The following EFCAB10 variants were observed in gnomAD, a reference collection of about 807,000 sequenced individuals.
EFCAB10 encodes EF-hand calcium binding domain 10, also known as EF-hand calcium-binding domain-containing protein 10.
EFCAB10 carries 7 observed loss-of-function variants against 7.7 expected under a neutral mutation model. That is an observed-to-expected ratio of 0.91 (90% CI 0.52 to 1.72). The LOEUF (loss-of-function observed/expected upper bound fraction) is 1.72, where lower values mean the gene tolerates loss of function less well. EFCAB10 is among the 40% of genes most tolerant of loss of function. EFCAB10 has a pLI of 0.00. For synonymous variants in EFCAB10, 52 were observed against 21.0 expected, an observed-to-expected ratio of 2.47 and a Z score of -4.03; for missense variants, 112 against 61.5, an observed-to-expected ratio of 1.82 and a Z score of -2.74.
chr7:105,581,416 C>T lies in EFCAB10; in HGVS notation c.48G>A (p.Lys16=), dbSNP rs1392528214. 1.4e-6 allele frequency: 1 copy of T among 703,114 alleles called. No individual in the cohort carries two copies. Among genetic ancestry groups the T allele is most frequent in the Admixed American group, 2.0e-5 (1 of 50,006 alleles). 43.6% of individuals were successfully genotyped at this position (703,114 alleles called of 1,614,324 possible). ...AGCTAACCACCTCCTTGATCTGATG[C>T]TTTTCCAAATACTCCGCGGCTTGGA... is the stretch of plus-strand genomic sequence containing the variant. ...RELQAAEYLE[K]HQIKEVVSYL... Residue 16 remains lysine, a synonymous_variant, in exon 1 of 5, where the codon AAG becomes AAA. Transcript: ENST00000480514.
At chr7:105,567,606 A>G in intron 3 of EFCAB10, 116 bp from the exon 4 acceptor site, 1 of 567,064 alleles carries the variant, frequency 1.8e-6, no homozygotes, top group Non-Finnish European at 3.1e-6. Context: ...CCAACTTTCA[A>G]TTTCCTGTGC....
At chr7:105,570,109 G>C (rs931154456) in intron 1 of EFCAB10, among the ~76,000 whole-genome samples, 1 of 147,758 alleles carries the variant, frequency 6.8e-6, no homozygotes, top group African/African-American at 2.5e-5. Context: ...AGCTACTCGG[G>C]AGGCTGAGGC....
At chr7:105,579,933 A>G (rs1377498218) in intron 1 of EFCAB10, among the ~76,000 whole-genome samples, 1 of 152,208 alleles carries the variant, frequency 6.6e-6, no homozygotes, top group African/African-American at 2.4e-5. Flanking sequence ...CAAATATTTT[A>G]TATAACGAAT....
chr7:105,572,066 G>T (rs550839056), intron 1 of EFCAB10: 1 of 151,954 alleles, frequency 6.6e-6, no homozygotes, highest in East Asian at 1.9e-4. Context: ...CTTTTTCATG[G>T]TGAGAACACT....
intron 4 of EFCAB10, chr7:105,566,609 C>G (rs1791758765): frequency 6.6e-6 from 1 of 151,604 alleles, no homozygotes; most frequent in Admixed American, 6.6e-5. Flanking sequence ...AGTTTCACTC[C>G]AGCCTAGGTG....
At chr7:105,570,317 A>T (rs574954067) in intron 1 of EFCAB10, among the ~76,000 whole-genome samples, 2 of 145,170 alleles carry the variant, frequency 1.4e-5, no homozygotes, top group South Asian at 4.3e-4. Flanking sequence ...ATATATATAA[A>T]TATAATAAAA....
chr7:105,575,161 C>A (rs1202644526), intron 1 of EFCAB10, among the ~76,000 whole-genome samples: 1 of 150,800 alleles, frequency 6.6e-6, no homozygotes, highest in Non-Finnish European at 1.5e-5. Flanking sequence ...GAGACTTATT[C>A]ACTATCACAA....
At chr7:105,577,031 C>T (rs945692098) in intron 1 of EFCAB10, among the ~76,000 whole-genome samples, 28 of 149,958 alleles carry the variant, frequency 1.9e-4, no homozygotes, top group African/African-American at 6.9e-4. Flanking sequence ...CCAGGCTGGG[C>T]GACAGGGCAA....
chr7:105,565,643 T>TAAAC, intron 4 of EFCAB10, 196 bp from the exon 5 acceptor site: 2 of 1,571,906 alleles, frequency 1.3e-6, no homozygotes, highest in Non-Finnish European at 1.7e-6. Flanking sequence ...AAAATTATTT[T>TAAAC]AAACAGTAAG....
In EFCAB10 at chr7:105,567,573, C is replaced by T. The variant is rs993184576; in HGVS notation, c.360-83G>A. 12 of 629,878 alleles carry T rather than the reference C, an allele frequency of 1.9e-5. 1 individual carries two copies. Among genetic ancestry groups the T allele is most frequent in the South Asian group, 5.4e-5 (3 of 55,716 alleles). 39.0% of individuals were successfully genotyped at this position (629,878 alleles called of 1,614,324 possible). A position where few individuals can be genotyped will look rare whatever the true frequency, so the allele number is the denominator to read the frequency against. ...AAATGCTGAGTATGTCTGTTGAAGA[C>T]GAGCAGAGATATTAAATTATAACCA... On this transcript the variant is annotated intron_variant, in intron 3 of 4. Coordinates refer to ENST00000480514, the MANE Select transcript of EFCAB10 (RefSeq NM_001355526.2).
At chr7:105,576,189 G>A (rs554017521) in intron 1 of EFCAB10, among the ~76,000 whole-genome samples, 2 of 152,206 alleles carry the variant, frequency 1.3e-5, no homozygotes, top group Non-Finnish European at 2.9e-5. Context: ...GTATTTTTAG[G>A]ACAAAACGAC....
intron 1 of EFCAB10, among the ~76,000 whole-genome samples, chr7:105,580,399 T>C (rs1246747762): frequency 2.6e-5 from 4 of 152,186 alleles, no homozygotes; most frequent in Non-Finnish European, 5.9e-5. Context: ...CTCAAACTCC[T>C]GAACTCAAGT....
chr7:105,568,414 T>C (rs1791848493), intron 3 of EFCAB10, among the ~76,000 whole-genome samples: 1 of 152,216 alleles, frequency 6.6e-6, no homozygotes, highest in Non-Finnish European at 1.5e-5. Context: ...GTTAGTACTT[T>C]TAATCCTGTA....
intron 1 of EFCAB10, among the ~76,000 whole-genome samples, chr7:105,576,697 G>A (rs1204159078): frequency 3.3e-5 from 5 of 152,078 alleles, no homozygotes; most frequent in African/African-American, 1.2e-4. Flanking sequence ...GCCTGCCTTG[G>A]CCTCCCAAAG....
At chr7:105,566,918 TTATAG>T (rs999091317) in intron 4 of EFCAB10, 4 of 369,658 alleles carry the variant, frequency 1.1e-5, no homozygotes, top group African/African-American at 4.2e-5. Context: ...TCGTATTACC[TTATAG>T]TAATCTAAAG....
In EFCAB10 at chr7:105,565,260, A is replaced by G; in HGVS notation, c.*187T>C. The G allele has an allele frequency of 6.4e-7, 1 of 1,557,526 alleles. No homozygotes were observed. Among genetic ancestry groups the G allele is most frequent in the Non-Finnish European group, 8.7e-7 (1 of 1,152,812 alleles). On this transcript the variant is annotated 3_prime_UTR_variant, in exon 5 of 5. Transcript: ENST00000480514. The stretch of plus-strand genomic sequence containing the variant: ...GAAACTGATGAAAATTTTTTGGTAA[A>G]AATGTGTTTTTTCCAGATGGTTGTC...
chr7:105,575,514 C>G (rs898511566), intron 1 of EFCAB10, among the ~76,000 whole-genome samples: 8 of 152,090 alleles, frequency 5.3e-5, no homozygotes, highest in Admixed American at 5.2e-4. Context: ...CCAATATACC[C>G]TAGCTGAGGC....
At chr7:105,574,934 TAAAAAAAAAAA>T in intron 1 of EFCAB10, among the ~76,000 whole-genome samples, 1 of 103,568 alleles carries the variant, frequency 9.7e-6, no homozygotes, top group Non-Finnish European at 2.1e-5. Flanking sequence ...TATCCCTACT[TAAAAAAAAAAA>T]AAAAAAAAAA....
chr7:105,572,583 T>C (rs1174463918), intron 1 of EFCAB10: 1 of 152,242 alleles, frequency 6.6e-6, no homozygotes, highest in Non-Finnish European at 1.5e-5. Context: ...ATTTAAGTTT[T>C]TGAGAAACCA....
Sources: allele counts gnomAD v4.1 joint callset (sites outside exome capture counted in the v4.1 genomes callset), GRCh38; gene constraint gnomAD v4.1.1; transcripts MANE v1.5; gene names NCBI Gene and HGNC (gene_info 2026-07-23, HGNC 2026-07-21).